TAFA4: variants seen among roughly 807,000 people sequenced by gnomAD.
TAFA4 encodes the protein TAFA chemokine like family member 4.
Under a neutral mutation model 21.1 loss-of-function variants are expected in TAFA4, and 20 were observed. That is an observed-to-expected ratio of 0.95 (90% CI 0.67 to 1.38). The LOEUF is 1.38. Ranked by LOEUF, TAFA4 falls within the 40% of genes most tolerant of loss-of-function variation. TAFA4 has a pLI of 0.00. For missense variants in TAFA4, 211 were observed against 180.9 expected (o/e 1.17, Z -0.95); for synonymous variants, 71 against 67.4 (o/e 1.05, Z -0.26).
At position 68,893,079 on chromosome 3, in the gene TAFA4, CT is replaced by C. The variant is rs374180694; in HGVS notation, c.-122-7770del. On this transcript the variant is annotated intron_variant, in intron 1 of 5. Transcript: ENST00000295569. ...TATCCTTACTGCAGAGGGTTTATTT[CT>C]TTTAATTGGACCAGTTTTTAATTGG... Among the ~76,000 whole-genome samples the C allele has an allele frequency of 3.2e-4, 49 of 152,242 alleles. 1 individual carries two copies. Among genetic ancestry groups the C allele is most frequent in the African/African-American group, 1.2e-3 (48 of 41,554 alleles).
At chr3:68,854,138 A>T (rs548243644) in intron 3 of TAFA4, among the ~76,000 whole-genome samples, 1 of 152,130 alleles carries the variant, frequency 6.6e-6, no homozygotes. Flanking sequence ...AAGAGGAGAC[A>T]CCTAAAGAGA....
intron 3 of TAFA4, among the ~76,000 whole-genome samples, chr3:68,844,138 A>C (rs1378516276): frequency 6.6e-6 from 1 of 152,240 alleles, no homozygotes; most frequent in Middle Eastern, 3.4e-3. Context: ...CAGTGAATCC[A>C]TCTGGTCCTG....
rs1225120268 is a variant in TAFA4, at chr3:68,874,868, C to G, written c.130+5862G>C. 2.0e-5 allele frequency among the ~76,000 whole-genome samples: 3 copies of G among 152,228 alleles called. No individual in the cohort carries two copies. The East Asian group carries it at 5.8e-4, about 29-fold the overall frequency. ...CACAAAGCTGAACTTGCCAGTGGCA[C>G]TGGGACTTGAACTTGCAGCTGAGGA... is the stretch of plus-strand genomic sequence containing the variant. On this transcript the variant is annotated intron_variant, in intron 3 of 5. Coordinates refer to ENST00000295569, the MANE Select transcript of TAFA4 (RefSeq NM_182522.5).
intron 1 of TAFA4, among the ~76,000 whole-genome samples, chr3:68,899,620 C>T (rs2089825023): frequency 6.6e-6 from 1 of 152,102 alleles, no homozygotes; most frequent in African/African-American, 2.4e-5. Flanking sequence ...CGCAAATTCA[C>T]TCATCAAGGC....
intron 3 of TAFA4, among the ~76,000 whole-genome samples, chr3:68,758,512 C>T (rs1008233702): frequency 4.6e-5 from 7 of 152,202 alleles, no homozygotes; most frequent in African/African-American, 1.4e-4. Flanking sequence ...TGACTTTGCT[C>T]CTCCTTCGCC....
intron 1 of TAFA4, among the ~76,000 whole-genome samples, chr3:68,901,120 C>T (rs977159012): frequency 1.8e-4 from 27 of 152,284 alleles, no homozygotes; most frequent in Admixed American, 1.5e-3. Context: ...AGCTTTTCCT[C>T]ATCCATGCAG....
intron 3 of TAFA4, among the ~76,000 whole-genome samples, chr3:68,831,838 T>G (rs1221590122): frequency 1.3e-5 from 2 of 152,198 alleles, no homozygotes; most frequent in African/African-American, 4.8e-5. Flanking sequence ...GTAGATTTGT[T>G]TTTCTCACAT....
chr3:68,752,382 G>A (rs1314498425), intron 4 of TAFA4, among the ~76,000 whole-genome samples: 3 of 152,162 alleles, frequency 2.0e-5, no homozygotes, highest in East Asian at 1.9e-4. Context: ...ACAAATGAAC[G>A]ATACATGATT....
At chr3:68,764,776 G>T (rs937158118) in intron 3 of TAFA4, among the ~76,000 whole-genome samples, 2 of 152,156 alleles carry the variant, frequency 1.3e-5, no homozygotes, top group African/African-American at 4.8e-5. Context: ...GAAATCAAAT[G>T]AAGTGGCTCC....
intron 1 of TAFA4, among the ~76,000 whole-genome samples, chr3:68,886,494 G>A (rs940144832): frequency 2.6e-5 from 4 of 152,140 alleles, no homozygotes; most frequent in Non-Finnish European, 5.9e-5. Flanking sequence ...TAATTCATCA[G>A]AACTCATCAT....
intron 1 of TAFA4, among the ~76,000 whole-genome samples, chr3:68,894,775 G>A (rs2089769682): frequency 6.6e-6 from 1 of 152,200 alleles, no homozygotes; most frequent in Admixed American, 6.5e-5. Flanking sequence ...AAACTTCCTG[G>A]AAGAGGCAAC....
intron 1 of TAFA4, among the ~76,000 whole-genome samples, chr3:68,926,041 G>A (rs879830158): frequency 5.3e-5 from 8 of 152,128 alleles, no homozygotes; most frequent in Non-Finnish European, 7.4e-5. Flanking sequence ...AGACCAGCCT[G>A]GTCAACATGG....
At chr3:68,835,134 C>G (rs1489296899) in intron 3 of TAFA4, among the ~76,000 whole-genome samples, 1 of 152,128 alleles carries the variant, frequency 6.6e-6, no homozygotes, top group Non-Finnish European at 1.5e-5. Flanking sequence ...CCTGGAACAC[C>G]TGGCCCCCAG....
intron 3 of TAFA4, among the ~76,000 whole-genome samples, chr3:68,853,998 A>T (rs1329595599): frequency 6.6e-6 from 1 of 152,196 alleles, no homozygotes; most frequent in East Asian, 1.9e-4. Flanking sequence ...ATCCTCTTTC[A>T]ATGAGAAACT....
At chr3:68,840,148 G>A (rs1190802719) in intron 3 of TAFA4, among the ~76,000 whole-genome samples, 1 of 152,176 alleles carries the variant, frequency 6.6e-6, no homozygotes, top group East Asian at 1.9e-4. Flanking sequence ...GGCTATGTCA[G>A]TGAGCATTCC....
intron 1 of TAFA4, among the ~76,000 whole-genome samples, chr3:68,917,611 G>A (rs1043807877): frequency 8.6e-5 from 13 of 151,840 alleles, no homozygotes; most frequent in Non-Finnish European, 1.3e-4. Context: ...AAAATTAGCC[G>A]GGCGTGGTGG....
At chr3:68,852,266 G>T (rs575575342) in intron 3 of TAFA4, among the ~76,000 whole-genome samples, 1 of 152,236 alleles carries the variant, frequency 6.6e-6, no homozygotes, top group East Asian at 1.9e-4. Flanking sequence ...AGGAGGAGTG[G>T]CTGACAGAAT....
intron 1 of TAFA4, among the ~76,000 whole-genome samples, chr3:68,908,215 C>G (rs1289233469): frequency 6.6e-6 from 1 of 152,198 alleles, no homozygotes; most frequent in East Asian, 1.9e-4. Context: ...GAATGTCCCT[C>G]TTAGAGACTC....
At chr3:68,837,700 C>T (rs956810769) in intron 3 of TAFA4, among the ~76,000 whole-genome samples, 1 of 152,118 alleles carries the variant, frequency 6.6e-6, no homozygotes. Context: ...AAAAAGTACA[C>T]TTATATATAC....
Sources: allele counts gnomAD v4.1 joint callset (sites outside exome capture counted in the v4.1 genomes callset), GRCh38; gene constraint gnomAD v4.1.1; transcripts MANE v1.5; gene names NCBI Gene and HGNC (gene_info 2026-07-23, HGNC 2026-07-21).